The following CFAP61 variants were observed in gnomAD, a reference collection of about 807,000 sequenced individuals.
CFAP61 encodes the protein cilia and flagella associated protein 61.
Under a neutral mutation model 135.6 loss-of-function variants are expected in CFAP61, and 107 were observed. The ratio of observed to expected loss-of-function variants is 0.79; its 90% CI spans 0.67 to 0.93. The LOEUF (loss-of-function observed/expected upper bound fraction) is 0.93. CFAP61 is among the 40% of genes least tolerant of loss of function. The pLI is 0.00. For synonymous variants in CFAP61, 575 were observed against 578.5 expected (o/e 0.99, Z 0.09); for missense variants, 1,507 against 1,556.2 (o/e 0.97, Z 0.53).
chr20:20,185,635 T>C (rs2055442655), intron 13 of CFAP61, among the ~76,000 whole-genome samples: 1 of 152,198 alleles, frequency 6.6e-6, no homozygotes, highest in Non-Finnish European at 1.5e-5. Flanking sequence ...GTCTTTTTCA[T>C]TTGGGGGATG....
intron 20 of CFAP61, 29 bp from the exon 21 acceptor site, chr20:20,262,927 G>T (rs376722698): frequency 1.3e-6 from 2 of 1,482,484 alleles, no homozygotes; most frequent in Non-Finnish European, 1.8e-6. Context: ...TATTATCACT[G>T]AAATAAGCAT....
intron 22 of CFAP61, among the ~76,000 whole-genome samples, chr20:20,278,958 G>T (rs1215923046): frequency 6.6e-6 from 1 of 152,158 alleles, no homozygotes; most frequent in African/African-American, 2.4e-5. Flanking sequence ...TTTAAAAAGT[G>T]ATACTGTCTA....
chr20:20,343,378 A>G (rs544392669), intron 26 of CFAP61, among the ~76,000 whole-genome samples: 5 of 152,324 alleles, frequency 3.3e-5, no homozygotes, highest in Admixed American at 1.3e-4. Flanking sequence ...TGGGAAACAG[A>G]GGTTTAAAGT....
chr20:20,279,774 C>A (rs142646164), intron 22 of CFAP61, among the ~76,000 whole-genome samples: 41 of 152,276 alleles, frequency 2.7e-4, no homozygotes, highest in African/African-American at 7.9e-4. Context: ...TTTCTCCTAC[C>A]TTCCCTGGTC....
intron 13 of CFAP61, among the ~76,000 whole-genome samples, chr20:20,184,824 A>C (rs1455470429): frequency 6.6e-6 from 1 of 152,140 alleles, no homozygotes; most frequent in African/African-American, 2.4e-5. Context: ...CTGATGAAGT[A>C]GGACCTTCTG....
intron 26 of CFAP61, among the ~76,000 whole-genome samples, chr20:20,349,065 C>T (rs571255942): frequency 6.6e-6 from 1 of 152,332 alleles, no homozygotes; most frequent in Admixed American, 6.5e-5. Flanking sequence ...TATCTCCATT[C>T]TCAGGTGATG....
intron 9 of CFAP61, among the ~76,000 whole-genome samples, chr20:20,157,961 GATC>G (rs1315828127): frequency 3.3e-5 from 5 of 151,986 alleles, no homozygotes; most frequent in African/African-American, 9.7e-5. Flanking sequence ...ATAGGCAAAA[GATC>G]ATCATTCTCA....
chr20:20,314,411 C>CAAAA (rs1569284891), intron 25 of CFAP61, among the ~76,000 whole-genome samples: 1 of 108,332 alleles, frequency 9.2e-6, no homozygotes, highest in African/African-American at 3.8e-5. Flanking sequence ...AAAAAAAAAT[C>CAAAA]AACATGAGTT....
chr20:20,138,659 C>G (rs1403098745), intron 8 of CFAP61, among the ~76,000 whole-genome samples: 6 of 152,184 alleles, frequency 3.9e-5, no homozygotes, highest in African/African-American at 7.2e-5. Flanking sequence ...AAGTTAAAAC[C>G]AGATAGTGTG....
chr20:20,161,056 C>A (rs1228917227), intron 10 of CFAP61, among the ~76,000 whole-genome samples: 1 of 152,166 alleles, frequency 6.6e-6, no homozygotes, highest in Non-Finnish European at 1.5e-5. Flanking sequence ...GCTTTGCTCC[C>A]CAAGTAAACT....
intron 13 of CFAP61, among the ~76,000 whole-genome samples, chr20:20,184,944 A>G (rs549288229): frequency 5.9e-5 from 9 of 152,178 alleles, no homozygotes; most frequent in African/African-American, 2.2e-4. Flanking sequence ...CAAGAAGCCA[A>G]CTATTTGGAG....
chr20:20,321,258 G>C lies in CFAP61; in HGVS notation c.3423-20573G>C, dbSNP rs545738336. Among the ~76,000 whole-genome samples the C allele has an allele frequency of 3.3e-5, 5 of 152,266 alleles. No individual in the cohort carries two copies. The East Asian group carries it at 9.6e-4, about 29-fold the overall frequency. ...TTATGCCTAAAGTTAATAAATGAGA[G>C]TGTCTGGTGATTCTCTTCAAAATAA... is the stretch of plus-strand genomic sequence containing the variant. On this transcript the variant is annotated intron_variant, in intron 25 of 26. Transcript: ENST00000245957.
chr20:20,316,601 C>A (rs1421172768), intron 25 of CFAP61, among the ~76,000 whole-genome samples: 2 of 151,718 alleles, frequency 1.3e-5, no homozygotes, highest in Non-Finnish European at 2.9e-5. Flanking sequence ...TGAGAGAGGG[C>A]ATCCCTGTCT....
chr20:20,283,825 G>A (rs2054374905), intron 22 of CFAP61, among the ~76,000 whole-genome samples: 1 of 152,204 alleles, frequency 6.6e-6, no homozygotes, highest in African/African-American at 2.4e-5. Flanking sequence ...CAGCAACAGA[G>A]AATCTTACTC....
chr20:20,345,738 T>C (rs2058604406), intron 26 of CFAP61, among the ~76,000 whole-genome samples: 1 of 151,964 alleles, frequency 6.6e-6, no homozygotes, highest in African/African-American at 2.4e-5. Flanking sequence ...CTGGCCAACA[T>C]GGTGAAACCC....
At chr20:20,080,773 G>T (rs1165040727) in intron 6 of CFAP61, among the ~76,000 whole-genome samples, 1 of 152,150 alleles carries the variant, frequency 6.6e-6, no homozygotes, top group East Asian at 1.9e-4. Context: ...GGAGGCTGAG[G>T]CAGGCAGATC....
At chr20:20,152,316 AC>A (rs576858981) in intron 9 of CFAP61, among the ~76,000 whole-genome samples, 19 of 152,158 alleles carry the variant, frequency 1.2e-4, no homozygotes, top group Middle Eastern at 3.4e-3. Context: ...GAAAAAAAAA[AC>A]ACCAAAGTAT....
chr20:20,229,428 C>T (rs1556023), intron 18 of CFAP61, among the ~76,000 whole-genome samples: 10,623 of 152,200 alleles, frequency 0.07, 1,177 homozygotes, highest in East Asian at 0.53. Flanking sequence ...AAATCTTTTG[C>T]TCAGGATCAC....
intron 25 of CFAP61, among the ~76,000 whole-genome samples, chr20:20,324,388 TC>T (rs1449530856): frequency 2.0e-5 from 3 of 152,238 alleles, no homozygotes; most frequent in African/African-American, 7.2e-5. Flanking sequence ...TCTAGTTTTT[TC>T]ACTTAAGAAT....
Sources: gnomAD v4.1 joint callset for allele counts (sites outside exome capture counted in the v4.1 genomes callset) on GRCh38, gnomAD v4.1.1 for gene constraint, MANE v1.5 for transcripts, NCBI Gene and HGNC (gene_info 2026-07-23, HGNC 2026-07-21) for gene names.